WDR25: variants seen among roughly 807,000 people sequenced by gnomAD.
The protein encoded by WDR25 is WD repeat domain 25, also known as WD repeat-containing protein 25.
WDR25 carries 35 observed loss-of-function variants against 47.7 expected under a neutral mutation model. That is an observed-to-expected ratio of 0.73 (90% CI 0.56 to 0.97). The LOEUF is 0.97. WDR25 is among the 50% of genes least tolerant of loss of function. WDR25 has a pLI of 0.00. For missense variants in WDR25, 634 were observed against 704.7 expected (o/e 0.90, Z 1.14); for synonymous variants, 248 against 278.9 (o/e 0.89, Z 1.10).
intron 4 of WDR25, among the ~76,000 whole-genome samples, chr14:100,524,780 G>T (rs911094259): frequency 2.6e-5 from 4 of 152,150 alleles, no homozygotes; most frequent in African/African-American, 9.7e-5. Context: ...GAGCAAATCC[G>T]TACCTCTTCC....
intron 2 of WDR25, among the ~76,000 whole-genome samples, chr14:100,383,091 A>G (rs1896942366): frequency 6.6e-6 from 1 of 152,204 alleles, no homozygotes; most frequent in African/African-American, 2.4e-5. Context: ...AAGTATAGAG[A>G]TGTCTTTGAA....
chr14:100,383,013 C>G (rs1896940777), intron 2 of WDR25, among the ~76,000 whole-genome samples: 1 of 152,224 alleles, frequency 6.6e-6, no homozygotes, highest in African/African-American at 2.4e-5. Context: ...TACATCTTTT[C>G]TCTTGCAAAT....
At chr14:100,513,758 G>A (rs954772040) in intron 4 of WDR25, among the ~76,000 whole-genome samples, 1 of 150,744 alleles carries the variant, frequency 6.6e-6, no homozygotes, top group Admixed American at 6.6e-5. Context: ...AAATTCCTGA[G>A]CTCAAGTGAT....
In WDR25 at chr14:100,499,275, T is replaced by C. The variant is rs1900836948; in HGVS notation, c.1101+15151T>C. ...ATAATATCATTAGAATTTCCCATAT[T>C]GTTAAAAGGTTTTTGGATGCTATAA... On this transcript the variant is annotated intron_variant, in intron 4 of 6. Coordinates refer to ENST00000402312, the MANE Select transcript of WDR25 (RefSeq NM_001161476.3). This position sits in a 1 kb window ranked among gnomAD's most constrained non-coding sequence, Gnocchi z 4.4. Among the ~76,000 whole-genome samples, 1 of 152,240 alleles carries C rather than the reference T, an allele frequency of 6.6e-6. No individual in the cohort carries two copies. The highest frequency in any genetic ancestry group is 1.9e-4 in the East Asian group (1 of 5,202).
intron 2 of WDR25, among the ~76,000 whole-genome samples, chr14:100,451,697 GTGCCAGAGAGGTTCAGAC>G (rs531435213): frequency 5.9e-4 from 90 of 152,238 alleles, no homozygotes; most frequent in Non-Finnish European, 9.7e-4. Context: ...GGTTCTTGTG[GTGCCAGAGAGGTTCAGAC>G]TGTTCTTGAG....
chr14:100,518,354 C>A (rs1233695335), intron 4 of WDR25, among the ~76,000 whole-genome samples: 1 of 151,892 alleles, frequency 6.6e-6, no homozygotes, highest in Non-Finnish European at 1.5e-5. Context: ...TCAAATTGTT[C>A]TCCTCTGTGT....
chr14:100,473,180 C>T (rs2140303923), intron 3 of WDR25, among the ~76,000 whole-genome samples: 1 of 152,266 alleles, frequency 6.6e-6, no homozygotes, highest in South Asian at 2.1e-4. Context: ...GGCTATGTGC[C>T]CTGGGTTCCA....
In WDR25 at chr14:100,449,043, G is replaced by A. The variant is rs546938558; in HGVS notation, c.823-18978G>A. Among the ~76,000 whole-genome samples the A allele has an allele frequency of 6.6e-6, 1 of 152,096 alleles. No homozygotes were observed. Among genetic ancestry groups the A allele is most frequent in the Admixed American group, 6.5e-5 (1 of 15,274 alleles). ...GACGATCGTGATGGGAGATGAGGCT[G>A]GGCAGGTGAGTGGGGCCTCCGGAGT... On this transcript the variant is annotated intron_variant, in intron 2 of 6. Transcript: ENST00000402312. This position sits in a 1 kb window ranked among gnomAD's most constrained non-coding sequence, Gnocchi z 4.2.
intron 2 of WDR25, among the ~76,000 whole-genome samples, chr14:100,415,612 C>T (rs1897846733): frequency 1.3e-5 from 2 of 152,122 alleles, no homozygotes; most frequent in East Asian, 3.8e-4. Context: ...GCAGGTTTAC[C>T]AGCAGCTGCT....
chr14:100,464,790 CATCT>C (rs1899562494), intron 2 of WDR25, among the ~76,000 whole-genome samples: 3 of 61,646 alleles, frequency 4.9e-5, no homozygotes, highest in South Asian at 1.0e-3. Flanking sequence ...CATCTCATCT[CATCT>C]CATCTCATCT....
At position 100,522,435 on chromosome 14, in the gene WDR25, C is replaced by T. The variant is rs368629730; in HGVS notation, c.1102-3435C>T. The stretch of plus-strand genomic sequence containing the variant: ...GATAGCCACCATCCTATGTGATTGG[C>T]GACTTCTGCTTTTGCGACTTTAAAC... On this transcript the variant is annotated intron_variant, in intron 4 of 6. Coordinates refer to ENST00000402312, the MANE Select transcript of WDR25 (RefSeq NM_001161476.3). Among the ~76,000 whole-genome samples, 12 of 152,280 alleles carry T rather than the reference C, an allele frequency of 7.9e-5. No homozygotes were observed. The East Asian group carries it at 1.9e-3, about 24-fold the overall frequency.
chr14:100,483,529 G>C (rs1900277730), intron 3 of WDR25, among the ~76,000 whole-genome samples: 1 of 152,138 alleles, frequency 6.6e-6, no homozygotes, highest in South Asian at 2.1e-4. Flanking sequence ...TAAAGTGGCT[G>C]ATTCTGAAAA....
At chr14:100,397,930 G>T (rs775102658) in intron 2 of WDR25, among the ~76,000 whole-genome samples, 1 of 152,098 alleles carries the variant, frequency 6.6e-6, no homozygotes, top group Non-Finnish European at 1.5e-5. Context: ...CCTCTGCCTC[G>T]CAGGCTCAAG....
intron 2 of WDR25, among the ~76,000 whole-genome samples, chr14:100,405,178 T>TTTTTTTTTTTTTTTTGG (rs1897496992): frequency 6.7e-6 from 1 of 150,286 alleles, no homozygotes; most frequent in African/African-American, 2.5e-5. Context: ...CTTTTTTTTT[T>TTTTTTTTTTTTTTTTGG]GAGATGGAGT....
At chr14:100,472,204 C>T (rs1899862170) in intron 3 of WDR25, among the ~76,000 whole-genome samples, 1 of 152,242 alleles carries the variant, frequency 6.6e-6, no homozygotes, top group Non-Finnish European at 1.5e-5. Flanking sequence ...CTTCCTGGAG[C>T]CCTGGAGCCC....
At chr14:100,497,520 C>T (rs2140341913) in intron 4 of WDR25, among the ~76,000 whole-genome samples, 1 of 152,232 alleles carries the variant, frequency 6.6e-6, no homozygotes, top group Middle Eastern at 3.4e-3. Flanking sequence ...AATCAAGTTC[C>T]CACCTCTGTA....
chr14:100,465,935 A>T (rs1295528214), intron 2 of WDR25, among the ~76,000 whole-genome samples: 1 of 152,252 alleles, frequency 6.6e-6, no homozygotes. Context: ...GTAAAAACTT[A>T]AATGGCATTG....
rs370372098 is a variant in WDR25 at position 100,498,682 on chromosome 14, C to A, written c.1101+14558C>A. Among the ~76,000 whole-genome samples, 1 of 152,202 alleles carries A rather than the reference C, an allele frequency of 6.6e-6. No homozygotes were observed. Among genetic ancestry groups the A allele is most frequent in the East Asian group, 1.9e-4 (1 of 5,184 alleles). On this transcript the variant is annotated intron_variant, in intron 4 of 6. Transcript: ENST00000402312. The surrounding 1 kb of genome is among the most constrained non-coding windows in gnomAD (Gnocchi z 4.2). ...ACCACCTCAGTCCCTGCGTCCTCCT[C>A]TTCCAGGGCCAACATGTGAGGTTGT...
At chr14:100,461,274 C>G (rs1184047954) in intron 2 of WDR25, among the ~76,000 whole-genome samples, 1 of 152,022 alleles carries the variant, frequency 6.6e-6, no homozygotes, top group Non-Finnish European at 1.5e-5. Context: ...GCTTCTAGTA[C>G]TAAAAAGTGA....
Sources: gnomAD v4.1 joint callset for allele counts (sites outside exome capture counted in the v4.1 genomes callset) on GRCh38, gnomAD v4.1.1 for gene constraint, Gnocchi (gnomAD v3.1) non-coding constraint, MANE v1.5 for transcripts, NCBI Gene and HGNC (gene_info 2026-07-23, HGNC 2026-07-21) for gene names.